DEPDC5: variants seen among roughly 807,000 people sequenced by gnomAD.
The protein encoded by DEPDC5 is GATOR1 complex protein DEPDC5.
DEPDC5 carries 73 observed loss-of-function variants against 217.3 expected under a neutral mutation model. The observed-to-expected ratio is 0.34, with a 90% CI of 0.28 to 0.41. The LOEUF (loss-of-function observed/expected upper bound fraction) is 0.41, where lower values mean the gene tolerates loss of function less well. DEPDC5 is among the 10% of genes least tolerant of loss of function. The pLI is 1.00. For synonymous variants in DEPDC5, 733 were observed against 756.7 expected (o/e 0.97, Z 0.51); for missense variants, 1,675 against 2,070.1 (o/e 0.81, Z 3.70).
Position 31,810,565 on chromosome 22 carries a change from G to C in DEPDC5, c.1369G>C (p.Val457Leu), listed in dbSNP as rs1230375185. ...KESENALPIQVDYDAYDAQVF... is the reference protein window; with the variant it reads ...KESENALPIQLDYDAYDAQVF... ...ATCTGAGAACGCCCTTCCCATCCAA[G>C]TAGATTATGACGCCTATGACGCTCA... Residue 457 changes from valine (V) to leucine (L), a missense_variant, in exon 20 of 43, where the codon GTA (valine) becomes CTA (leucine). Val to Leu is a conservative substitution (Grantham distance 32). Coordinates refer to ENST00000651528, the MANE Select transcript of DEPDC5 (RefSeq NM_001242896.3). The C allele has an allele frequency of 6.2e-7, 1 of 1,614,160 alleles. No homozygotes were observed. Among genetic ancestry groups the C allele is most frequent in the South Asian group, 1.1e-5 (1 of 91,086 alleles).
rs1466232803 is a variant in DEPDC5, at chr22:31,784,799, A to G, written c.563-15A>G. ...GTTCTCATGTTCTCATCCTTTTTTC[A>G]TTGTTTCTTTTCAGGGGATTTGTAT... On this transcript the variant is annotated splice_polypyrimidine_tract_variant and intron_variant, in intron 9 of 42. Transcript: ENST00000651528. The G allele has an allele frequency of 1.2e-6, 2 of 1,609,192 alleles. No homozygotes were observed. The highest frequency in any genetic ancestry group is 1.7e-6 in the Non-Finnish European group (2 of 1,177,876).
Position 31,797,646 on chromosome 22 carries a change from G to T in DEPDC5, c.814G>T (p.Val272Leu), listed in dbSNP as rs187334123. The change falls in exon 13 of 43, where the codon GTA becomes TTA. Residue 272 changes from valine to leucine, a missense_variant. Physicochemically the swap from Val to Leu is conservative, Grantham distance 32. Transcript: ENST00000651528. The stretch of plus-strand genomic sequence containing the variant: ...AAGAGAAGAATGGACTTCACTTCTC[G>T]TAACCATTAAAAAACTCTTCATCCA... ...ERREEWTSLLVTIKKLFIQYP... is the reference protein window; with the variant it reads ...ERREEWTSLLLTIKKLFIQYP... 7.4e-6 allele frequency: 12 copies of T among 1,614,010 alleles called. No individual in the cohort carries two copies. The highest frequency in any genetic ancestry group is 2.2e-5 in the East Asian group (1 of 44,880).
intron 41 of DEPDC5, among the ~76,000 whole-genome samples, chr22:31,902,201 T>C (rs116201625): frequency 1.8e-3 from 270 of 152,144 alleles, no homozygotes; most frequent in African/African-American, 5.6e-3. Flanking sequence ...TAGATATTTC[T>C]TGGCACCTAA....
intron 32 of DEPDC5, 78 bp downstream of exon 32, chr22:31,857,631 C>G (rs1271262574): frequency 4.1e-6 from 5 of 1,234,112 alleles, no homozygotes; most frequent in Non-Finnish European, 4.6e-6. Flanking sequence ...GATCGCCCTT[C>G]AGATCCGGGA....
At chr22:31,855,643 G>T (rs1276998409) in intron 31 of DEPDC5, among the ~76,000 whole-genome samples, 2 of 151,980 alleles carry the variant, frequency 1.3e-5, no homozygotes, top group African/African-American at 2.4e-5. Flanking sequence ...CTCCCAAAGT[G>T]CTGGGATTAC....
At chr22:31,799,843 C>G (rs2086680569) in intron 14 of DEPDC5, among the ~76,000 whole-genome samples, 1 of 108,346 alleles carries the variant, frequency 9.2e-6, no homozygotes, top group Admixed American at 1.3e-4. Flanking sequence ...GAGTCTTACT[C>G]TGTCGCTAGG....
chr22:31,836,208 A>G (rs2090983799), intron 25 of DEPDC5, among the ~76,000 whole-genome samples: 1 of 152,244 alleles, frequency 6.6e-6, no homozygotes, highest in African/African-American at 2.4e-5. Context: ...AGGGGATGCC[A>G]CTGGCATCTA....
intron 33 of DEPDC5, among the ~76,000 whole-genome samples, chr22:31,870,140 G>A (rs1238971409): frequency 6.6e-6 from 1 of 152,214 alleles, no homozygotes; most frequent in Admixed American, 6.5e-5. Flanking sequence ...GGCAGAAGAT[G>A]TACATTGTGA....
chr22:31,767,330 T>C (rs1283754716), intron 6 of DEPDC5, among the ~76,000 whole-genome samples: 5 of 151,780 alleles, frequency 3.3e-5, no homozygotes, highest in African/African-American at 7.3e-5. Context: ...ACGGAGTTTC[T>C]TGTTGCCCAG....
At chr22:31,865,184 A>G (rs1460569073) in intron 33 of DEPDC5, among the ~76,000 whole-genome samples, 1 of 151,910 alleles carries the variant, frequency 6.6e-6, no homozygotes, top group Non-Finnish European at 1.5e-5. Context: ...TTTTGGAATG[A>G]TGTAAGATGT....
chr22:31,757,696 G>A (rs1317504847), intron 2 of DEPDC5, among the ~76,000 whole-genome samples: 1 of 152,176 alleles, frequency 6.6e-6, no homozygotes, highest in African/African-American at 2.4e-5. Context: ...TGCAATATTT[G>A]ATAGAGTTCT....
intron 10 of DEPDC5, among the ~76,000 whole-genome samples, chr22:31,788,867 C>T (rs114493966): frequency 0.011 from 1,735 of 151,882 alleles, 33 homozygotes; most frequent in African/African-American, 0.038. Context: ...TGAGCCTCCG[C>T]GACTGGGCCC....
chr22:31,899,820 T>G (rs1480738397), intron 40 of DEPDC5, among the ~76,000 whole-genome samples: 1 of 152,122 alleles, frequency 6.6e-6, no homozygotes, highest in Non-Finnish European at 1.5e-5. Flanking sequence ...ACCCCAGGCC[T>G]CAGCACCTCC....
intron 10 of DEPDC5, among the ~76,000 whole-genome samples, chr22:31,788,305 G>A (rs1341284130): frequency 2.5e-5 from 3 of 118,190 alleles, no homozygotes; most frequent in Admixed American, 1.2e-4. Context: ...ACAGAGTCTC[G>A]CCATGTTGCC....
chr22:31,806,001 T>G (rs1297031830), intron 17 of DEPDC5, 121 bp from the exon 18 acceptor site: 1 of 755,160 alleles, frequency 1.3e-6, no homozygotes, highest in Non-Finnish European at 2.2e-6. Flanking sequence ...TTGGGAAGAT[T>G]AGTGAAGCTG....
At chr22:31,844,990 C>T in intron 29 of DEPDC5, 28 bp from the exon 30 acceptor site, 1 of 1,611,886 alleles carries the variant, frequency 6.2e-7, no homozygotes, top group Non-Finnish European at 8.5e-7. Flanking sequence ...TCTCTCACCA[C>T]CACCCTGTGT....
chr22:31,791,052 C>T (rs1308404128), intron 10 of DEPDC5, among the ~76,000 whole-genome samples: 1 of 152,000 alleles, frequency 6.6e-6, no homozygotes, highest in Non-Finnish European at 1.5e-5. Context: ...CAGCCGAAAC[C>T]CTGTCTTTAT....
At position 31,907,083 on chromosome 22, in the gene DEPDC5, C is replaced by T. The variant is rs1429239888; in HGVS notation, c.*586C>T. 4.5e-5 allele frequency: 7 copies of T among 155,282 alleles called. No homozygotes were observed. The highest frequency in any genetic ancestry group is 8.6e-5 in the Non-Finnish European group (6 of 70,098). The allele number at this position is 155,282 out of a possible 1,614,324, so 9.6% of individuals were successfully genotyped here. A position where few individuals can be genotyped will look rare whatever the true frequency, so the allele number is the denominator to read the frequency against. On this transcript the variant is annotated 3_prime_UTR_variant, in exon 43 of 43. Coordinates refer to ENST00000651528, the MANE Select transcript of DEPDC5 (RefSeq NM_001242896.3). ...GGGCTGGGCAGTTGTGCCAGGTGGC[C>T]GGGGTCATGGCAGTCAATGAAGTGG...
At chr22:31,767,605 A>G (rs373992161) in intron 6 of DEPDC5, among the ~76,000 whole-genome samples, 22 of 149,734 alleles carry the variant, frequency 1.5e-4, no homozygotes, top group South Asian at 8.4e-4. Flanking sequence ...TTTTTTTTGT[A>G]TTTTTAGTAG....
Sources: allele counts gnomAD v4.1 joint callset (sites outside exome capture counted in the v4.1 genomes callset), GRCh38; gene constraint gnomAD v4.1.1; transcripts MANE v1.5; gene names NCBI Gene and HGNC (gene_info 2026-07-23, HGNC 2026-07-21).